The following SCHIP1 variants were observed in gnomAD, a reference collection of about 807,000 sequenced individuals.
The protein encoded by SCHIP1 is schwannomin-interacting protein 1.
Under a neutral mutation model 29.7 loss-of-function variants are expected in SCHIP1, and 8 were observed. That is an observed-to-expected ratio of 0.27 (90% CI 0.16 to 0.49). SCHIP1 has a LOEUF of 0.49. SCHIP1 is among the 20% of genes least tolerant of loss of function. The pLI is 0.99. For synonymous variants in SCHIP1, 76 were observed against 94.9 expected (o/e 0.80, Z 1.16); for missense variants, 193 against 294.6 (o/e 0.66, Z 2.52).
chr3:159,858,299 G>A (rs1313818707), intron 1 of SCHIP1, among the ~76,000 whole-genome samples: 1 of 152,194 alleles, frequency 6.6e-6, no homozygotes, highest in African/African-American at 2.4e-5. Flanking sequence ...CAATCATTTA[G>A]TTTTCCACTG....
chr3:159,590,476 T>A, the SCHIP1 span, among the ~76,000 whole-genome samples: 2 of 152,068 alleles, frequency 1.3e-5, no homozygotes. Flanking sequence ...CTTGGGAAGC[T>A]GATGCAGAAG....
the SCHIP1 span, among the ~76,000 whole-genome samples, chr3:159,351,083 A>G: frequency 6.6e-6 from 1 of 152,194 alleles, no homozygotes; most frequent in Non-Finnish European, 1.5e-5. Context: ...CTCTTTAGAG[A>G]CCCAAGATTC....
the SCHIP1 span, among the ~76,000 whole-genome samples, chr3:159,820,691 C>T: frequency 6.6e-6 from 1 of 152,006 alleles, no homozygotes; most frequent in African/African-American, 2.4e-5. Context: ...GGCATGATAC[C>T]TTTAAGATAC....
chr3:159,461,975 C>T, the SCHIP1 span, among the ~76,000 whole-genome samples: 112 of 152,088 alleles, frequency 7.4e-4, 3 homozygotes, highest in African/African-American at 2.4e-3. Flanking sequence ...TTTGAAAGGC[C>T]GAGGTGGGCG....
At chr3:159,764,922 G>T in the SCHIP1 span, 1 of 1,516,982 alleles carries the variant, frequency 6.6e-7, no homozygotes, top group Non-Finnish European at 8.8e-7. This position sits in a 1 kb window ranked among gnomAD's most constrained non-coding sequence, Gnocchi z 6.1. Flanking sequence ...CCCGCCGGGC[G>T]ATCCAAAAGC....
the SCHIP1 span, among the ~76,000 whole-genome samples, chr3:159,645,933 T>C: frequency 3.2e-4 from 48 of 152,222 alleles, no homozygotes; most frequent in African/African-American, 1.1e-3. Flanking sequence ...TGTTTAAAGA[T>C]TCTGTGGAAT....
the SCHIP1 span, chr3:159,764,615 A>G: frequency 6.2e-7 from 1 of 1,609,156 alleles, no homozygotes; most frequent in Non-Finnish European, 8.5e-7. This position sits in a 1 kb window ranked among gnomAD's most constrained non-coding sequence, Gnocchi z 6.1. Context: ...GACTATGAGG[A>G]GCCCTTCCCG....
At chr3:159,644,471 G>A in the SCHIP1 span, among the ~76,000 whole-genome samples, 1 of 147,080 alleles carries the variant, frequency 6.8e-6, no homozygotes, top group Non-Finnish European at 1.5e-5. Flanking sequence ...CTAGTGTGAT[G>A]TAAATGCACC....
At chr3:159,809,330 T>C in the SCHIP1 span, among the ~76,000 whole-genome samples, 25 of 152,358 alleles carry the variant, frequency 1.6e-4, no homozygotes, top group African/African-American at 6.0e-4. Flanking sequence ...TCCTTTTTTA[T>C]GGCTGCATAG....
the SCHIP1 span, among the ~76,000 whole-genome samples, chr3:159,720,566 T>A: frequency 6.6e-6 from 1 of 152,048 alleles, no homozygotes; most frequent in Non-Finnish European, 1.5e-5. Flanking sequence ...TTGTTTATTT[T>A]GCTCTTGTTT....
At chr3:159,655,619 G>C in the SCHIP1 span, among the ~76,000 whole-genome samples, 1 of 152,180 alleles carries the variant, frequency 6.6e-6, no homozygotes, top group East Asian at 1.9e-4. Flanking sequence ...GCCGAGCGTG[G>C]TGGCTCACAC....
the SCHIP1 span, among the ~76,000 whole-genome samples, chr3:159,393,093 T>G: frequency 6.6e-6 from 1 of 152,272 alleles, no homozygotes; most frequent in Non-Finnish European, 1.5e-5. Flanking sequence ...ATGTGTCTTT[T>G]GGCTGCATAA....
the SCHIP1 span, among the ~76,000 whole-genome samples, chr3:159,354,047 G>C: frequency 6.6e-6 from 1 of 152,108 alleles, no homozygotes; most frequent in African/African-American, 2.4e-5. Flanking sequence ...AAAACGAACT[G>C]TTACCACTAG....
chr3:159,483,181 A>T, the SCHIP1 span, among the ~76,000 whole-genome samples: 1 of 152,106 alleles, frequency 6.6e-6, no homozygotes, highest in Non-Finnish European at 1.5e-5. Context: ...AATCACTTTT[A>T]TGGGCACTCA....
the SCHIP1 span, among the ~76,000 whole-genome samples, chr3:159,536,958 T>A: frequency 6.6e-6 from 1 of 152,186 alleles, no homozygotes; most frequent in Non-Finnish European, 1.5e-5. Flanking sequence ...TTGCGGTTTA[T>A]TGCTACACAT....
the SCHIP1 span, among the ~76,000 whole-genome samples, chr3:159,462,595 A>T: frequency 1.3e-5 from 2 of 152,078 alleles, no homozygotes; most frequent in African/African-American, 2.4e-5. Context: ...CAGATTAATC[A>T]TCCTAAAGTC....
chr3:159,478,937 A>G, the SCHIP1 span, among the ~76,000 whole-genome samples: 2 of 152,102 alleles, frequency 1.3e-5, no homozygotes, highest in African/African-American at 4.8e-5. Context: ...TAAATTTATC[A>G]GCTCTAATAG....
At chr3:159,838,296 A>G (rs1259550630), upstream of SCHIP1, among the ~76,000 whole-genome samples, 1 of 152,272 alleles carries the variant, frequency 6.6e-6, no homozygotes. Flanking sequence ...TTACATTAGC[A>G]AATAATCCTA....
chr3:159,538,069 G>A, the SCHIP1 span, among the ~76,000 whole-genome samples: 222 of 152,266 alleles, frequency 1.5e-3, no homozygotes, highest in Non-Finnish European at 2.5e-3. Context: ...AAGAAACCAC[G>A]AAAGCAGAGC....
Sources: gnomAD v4.1 joint callset for allele counts (sites outside exome capture counted in the v4.1 genomes callset) on GRCh38, gnomAD v4.1.1 for gene constraint, Gnocchi (gnomAD v3.1) non-coding constraint, MANE v1.5 for transcripts, NCBI Gene and HGNC (gene_info 2026-07-23, HGNC 2026-07-21) for gene names.